Variants in ZNF521 observed in about 807,000 individuals in gnomAD.
ZNF521 encodes the protein LYST-interacting protein 3.
ZNF521 carries 14 observed loss-of-function variants against 105.5 expected under a neutral mutation model. That is an observed-to-expected ratio of 0.13 (90% CI 0.09 to 0.21). The LOEUF (loss-of-function observed/expected upper bound fraction) is 0.21, where lower values mean the gene tolerates loss of function less well. ZNF521 is among the 10% of genes least tolerant of loss of function. ZNF521 has a pLI of 1.00. For synonymous variants in ZNF521, 635 were observed against 606.0 expected (o/e 1.05, Z -0.70); for missense variants, 1,233 against 1,629.7 (o/e 0.76, Z 4.19).
Position 25,227,840 on chromosome 18 carries a change from T to A in ZNF521, c.221-143A>T. The stretch of plus-strand genomic sequence containing the variant: ...AAAATGAAAAGAGAGAATATTTGAG[T>A]GAGACATTTTCAAATCTGAGCCCAA... On this transcript the variant is annotated intron_variant, in intron 3 of 7. Transcript: ENST00000361524. This position sits in a 1 kb window ranked among gnomAD's most constrained non-coding sequence, Gnocchi z 5.7. 2 of 700,006 alleles carry A rather than the reference T, an allele frequency of 2.9e-6. No homozygotes were observed. Among genetic ancestry groups the A allele is most frequent in the Non-Finnish European group, 4.6e-6 (2 of 430,818 alleles). The allele number at this position is 700,006 out of a possible 1,614,324, so 43.4% of individuals were successfully genotyped here.
intron 3 of ZNF521, among the ~76,000 whole-genome samples, chr18:25,249,305 G>A (rs990652072): frequency 6.5e-4 from 98 of 151,718 alleles, no homozygotes; most frequent in African/African-American, 2.0e-3. Context: ...ACAGGTGCCC[G>A]CCACCATGCC....
intron 5 of ZNF521, among the ~76,000 whole-genome samples, chr18:25,112,384 G>A (rs901724058): frequency 2.6e-5 from 4 of 152,088 alleles, no homozygotes; most frequent in Non-Finnish European, 5.9e-5. Flanking sequence ...CTAGAAAGGC[G>A]TACCCCTGCC....
chr18:25,209,006 T>C (rs2036130593), intron 4 of ZNF521, among the ~76,000 whole-genome samples: 1 of 152,362 alleles, frequency 6.6e-6, no homozygotes, highest in Middle Eastern at 3.4e-3. Flanking sequence ...AAAATGAATA[T>C]GTTAACAGCA....
intron 3 of ZNF521, among the ~76,000 whole-genome samples, chr18:25,276,377 A>C (rs900685032): frequency 3.3e-5 from 5 of 152,210 alleles, no homozygotes; most frequent in Non-Finnish European, 5.9e-5. Flanking sequence ...CCACTTGTGA[A>C]GGCCTTAATA....
chr18:25,251,498 T>C (rs191081946), intron 3 of ZNF521, among the ~76,000 whole-genome samples: 33 of 152,358 alleles, frequency 2.2e-4, no homozygotes, highest in African/African-American at 7.7e-4. Context: ...CTTTGTCCCT[T>C]TGCAATACAA....
At chr18:25,286,654 A>C (rs541892246) in intron 3 of ZNF521, among the ~76,000 whole-genome samples, 2 of 152,260 alleles carry the variant, frequency 1.3e-5, no homozygotes, top group East Asian at 1.9e-4. Flanking sequence ...AATAATCTCT[A>C]TTTTTTCATT....
chr18:25,097,035 CCTTTA>C (rs2033866091), intron 5 of ZNF521, among the ~76,000 whole-genome samples: 4 of 152,126 alleles, frequency 2.6e-5, no homozygotes, highest in Admixed American at 2.0e-4. Context: ...AACCTCCCAC[CCTTTA>C]CTTTGCTTCT....
At chr18:25,228,578 A>G (rs1363261114) in intron 3 of ZNF521, among the ~76,000 whole-genome samples, 4 of 152,228 alleles carry the variant, frequency 2.6e-5, no homozygotes, top group Admixed American at 6.5e-5. Flanking sequence ...CCTTAGCTAA[A>G]CAGGACCTGC....
intron 7 of ZNF521, among the ~76,000 whole-genome samples, chr18:25,083,129 T>C (rs1162697998): frequency 2.6e-5 from 4 of 152,184 alleles, no homozygotes; most frequent in Non-Finnish European, 4.4e-5. Flanking sequence ...ACCTCCGTAA[T>C]TGGATGAAAG....
chr18:25,352,080 C>G lies in ZNF521; in HGVS notation c.-77G>C. On this transcript the variant is annotated 5_prime_UTR_variant, in exon 1 of 8. The change abolishes an upstream ATG in the 5' untranslated region. Coordinates refer to ENST00000361524, the MANE Select transcript of ZNF521 (RefSeq NM_015461.3). ...AAAATGGAAGCAAGGCCCCCAAAGC[C>G]ATCAGGATGGCTCCAGAGGGGGCCC... The G allele has an allele frequency of 2.0e-6, 1 of 494,776 alleles. No homozygotes were observed. Among genetic ancestry groups the G allele is most frequent in the Non-Finnish European group, 4.1e-6 (1 of 246,302 alleles). The allele number at this position is 494,776 out of a possible 1,614,324, so 30.6% of individuals were successfully genotyped here. A position where few individuals can be genotyped will look rare whatever the true frequency, so the allele number is the denominator to read the frequency against.
rs1183710287 is a variant in ZNF521, at chr18:25,226,187, C to T, written c.1731G>A (p.Leu577=). 4 of 1,613,978 alleles carry T rather than the reference C, an allele frequency of 2.5e-6. No individual in the cohort carries two copies. In the African/African-American group the frequency reaches 4.0e-5, roughly 16 times the overall value. The part of the protein sequence containing the change: ...NSPIFNSVLK[L]NKHIKENHKN... ...TATGATTCTCTTTGATATGCTTGTT[C>T]AGTTTAAGAACGCTGTTGAATATTG... is the stretch of plus-strand genomic sequence containing the variant. The change falls in exon 4 of 8, where the codon CTG becomes CTA. Residue 577 remains leucine (L), a synonymous_variant. Transcript: ENST00000361524. The surrounding 1 kb of genome is among the most constrained non-coding windows in gnomAD (Gnocchi z 4.1).
At chr18:25,319,350 T>C (rs112053619) in intron 3 of ZNF521, among the ~76,000 whole-genome samples, 21,523 of 152,178 alleles carry the variant, frequency 0.14, 1,871 homozygotes, top group South Asian at 0.22. Context: ...TCCCAACACT[T>C]TGGGAGGCCG....
At position 25,062,049 on chromosome 18, in the gene ZNF521, G is replaced by A. The variant is rs1475761255; in HGVS notation, c.*663C>T. 2.0e-5 allele frequency: 4 copies of A among 195,886 alleles called. No homozygotes were observed. Among genetic ancestry groups the A allele is most frequent in the Non-Finnish European group, 4.2e-5 (4 of 94,370 alleles). The allele number at this position is 195,886 out of a possible 1,614,324, so 12.1% of individuals were successfully genotyped here. The stretch of plus-strand genomic sequence containing the variant: ...GTTCAACTGATTCAAGAATTTGGCT[G>A]CGTGAAATCATTAAGGAAAACCTTG... On this transcript the variant is annotated 3_prime_UTR_variant, in exon 8 of 8. Transcript: ENST00000361524.
At chr18:25,211,776 G>C (rs890826470) in intron 4 of ZNF521, among the ~76,000 whole-genome samples, 4 of 152,060 alleles carry the variant, frequency 2.6e-5, no homozygotes, top group African/African-American at 9.7e-5. Context: ...GTGTGGGCTT[G>C]TTTACAAAAT....
intron 3 of ZNF521, among the ~76,000 whole-genome samples, chr18:25,238,566 T>C (rs989013285): frequency 6.6e-6 from 1 of 152,214 alleles, no homozygotes; most frequent in South Asian, 2.1e-4. Flanking sequence ...ACAGTCAAAC[T>C]GGCACTGTGG....
intron 3 of ZNF521, among the ~76,000 whole-genome samples, chr18:25,236,811 A>G (rs567659356): frequency 2.0e-5 from 3 of 152,310 alleles, no homozygotes; most frequent in Admixed American, 2.0e-4. Flanking sequence ...ATAAACTGGA[A>G]AGCCAAAGCT....
chr18:25,104,130 T>G (rs994515850), intron 5 of ZNF521, among the ~76,000 whole-genome samples: 1 of 152,188 alleles, frequency 6.6e-6, no homozygotes, highest in African/African-American at 2.4e-5. Flanking sequence ...TAATGTCAAA[T>G]TATAAATATG....
chr18:25,251,752 C>T (rs780192657), intron 3 of ZNF521, among the ~76,000 whole-genome samples: 1 of 152,164 alleles, frequency 6.6e-6, no homozygotes, highest in Non-Finnish European at 1.5e-5. Context: ...TTAAAAAGCA[C>T]TCTTCGGTGA....
chr18:25,158,164 T>A (rs1013323949), intron 5 of ZNF521, among the ~76,000 whole-genome samples: 1 of 152,174 alleles, frequency 6.6e-6, no homozygotes, highest in African/African-American at 2.4e-5. Context: ...TTTGAAGATA[T>A]TTAATGACAA....
Sources: gnomAD v4.1 joint callset for allele counts (sites outside exome capture counted in the v4.1 genomes callset) on GRCh38, gnomAD v4.1.1 for gene constraint, Gnocchi (gnomAD v3.1) non-coding constraint, MANE v1.5 for transcripts, NCBI Gene and HGNC (gene_info 2026-07-23, HGNC 2026-07-21) for gene names.